MGAT5: variants seen among roughly 807,000 people sequenced by gnomAD.
MGAT5 encodes alpha-1,6-mannosylglycoprotein 6-beta-N-acetylglucosaminyltransferase, also known as alpha-1,6-mannosylglycoprotein 6-beta-N-acetylglucosaminyltransferase A.
In MGAT5, 30 loss-of-function variants were observed where a neutral mutation model predicts 94.3. The ratio of observed to expected loss-of-function variants is 0.32; its 90% CI spans 0.24 to 0.43. The LOEUF (loss-of-function observed/expected upper bound fraction) is 0.43, where lower values mean the gene tolerates loss of function less well. Ranked by LOEUF, MGAT5 falls within the 20% of genes least tolerant of loss-of-function variation. MGAT5 has a pLI of 1.00. For synonymous variants in MGAT5, 310 were observed against 322.9 expected, an observed-to-expected ratio of 0.96 and a Z score of 0.43; for missense variants, 691 against 905.5, an observed-to-expected ratio of 0.76 and a Z score of 3.04.
chr2:134,344,893 T>C lies in MGAT5; in HGVS notation c.978-37T>C. ...TATTACCTTTTAAGTAAATGATTTT[T>C]CTCTTTTTTCTCCCCTCTCTTTTGC... On this transcript the variant is annotated intron_variant, in intron 7 of 15. Transcript: ENST00000281923. 3.1e-6 allele frequency: 5 copies of C among 1,601,916 alleles called. No individual in the cohort carries two copies. In the South Asian group the frequency reaches 5.6e-5, roughly 18 times the overall value.
At chr2:134,412,532 T>C (rs547298108) in intron 11 of MGAT5, among the ~76,000 whole-genome samples, 1 of 152,240 alleles carries the variant, frequency 6.6e-6, no homozygotes, top group South Asian at 2.1e-4. Context: ...AGAAGGATTA[T>C]TGTTGGGTCT....
In MGAT5 at chr2:134,403,178, T is replaced by C. The variant is rs747349731; in HGVS notation, c.1530+41T>C. 11 of 1,556,670 alleles carry C rather than the reference T, an allele frequency of 7.1e-6. No homozygotes were observed. The South Asian group carries it at 1.1e-4, about 16-fold the overall frequency. On this transcript the variant is annotated intron_variant, in intron 11 of 15. Coordinates refer to ENST00000281923, the MANE Select transcript of MGAT5 (RefSeq NM_002410.5). Reference sequence around the variant, plus strand: ...GGATGTGGTGTTCAGGTTATTGCCATTGGCTGTGAAAATGGGATCAGAATA... The same window carrying C: ...GGATGTGGTGTTCAGGTTATTGCCACTGGCTGTGAAAATGGGATCAGAATA...
At chr2:134,239,583 G>T (rs1422852944) in intron 1 of MGAT5, among the ~76,000 whole-genome samples, 2 of 152,056 alleles carry the variant, frequency 1.3e-5, no homozygotes, top group Admixed American at 6.6e-5. Context: ...TAATGACCCT[G>T]TGATGACATT....
rs550120174 is a variant in MGAT5, at chr2:134,388,785, G to A, written c.1381-14203G>A. 2.8e-4 allele frequency among the ~76,000 whole-genome samples: 43 copies of A among 151,494 alleles called. 1 individual carries two copies. Among genetic ancestry groups the A allele is most frequent in the Admixed American group, 2.5e-3 (38 of 15,186 alleles). On this transcript the variant is annotated intron_variant, in intron 10 of 15. Coordinates refer to ENST00000281923, the MANE Select transcript of MGAT5 (RefSeq NM_002410.5). ...TTTTTTGGGGGGTGGGGGGGTGGTC[G>A]GAGTCTCGCTCTGTTGCCCAAACTG...
At chr2:134,138,026 C>T (rs1204637891) in intron 1 of MGAT5, among the ~76,000 whole-genome samples, 1 of 148,396 alleles carries the variant, frequency 6.7e-6, no homozygotes, top group Non-Finnish European at 1.5e-5. Flanking sequence ...GAGTCTTGCT[C>T]TCTTGCCCAG....
At chr2:134,187,223 G>T (rs1159463049) in intron 1 of MGAT5, among the ~76,000 whole-genome samples, 1 of 152,226 alleles carries the variant, frequency 6.6e-6, no homozygotes, top group Non-Finnish European at 1.5e-5. Context: ...AGAATTTTGA[G>T]CAGGAGGAGG....
At position 134,254,420 on chromosome 2, in the gene MGAT5, C is replaced by T. The variant is rs559878042; in HGVS notation, c.17C>T (p.Pro6Leu). Residue 6 changes from proline to leucine, a missense_variant, in exon 1 of 16, where the codon CCG becomes CTG. Pro to Leu is a moderately conservative substitution (Grantham distance 98). Coordinates refer to ENST00000281923, the MANE Select transcript of MGAT5 (RefSeq NM_002410.5). MALFT[P>L]WKLSSQKLGF... ...CAGAGAGCAATGGCTCTCTTCACTC[C>T]GTGGAAGTTGTCCTCTCAGAAGCTG... 16 of 1,614,200 alleles carry T rather than the reference C, an allele frequency of 9.9e-6. No individual in the cohort carries two copies. The South Asian group carries it at 1.1e-4, about 11-fold the overall frequency.
At chr2:134,130,807 C>CGGT (rs1686119947) in intron 1 of MGAT5, among the ~76,000 whole-genome samples, 1 of 150,244 alleles carries the variant, frequency 6.7e-6, no homozygotes, top group Admixed American at 6.6e-5. Context: ...GGTTTGTAAA[C>CGGT]GCACCAAGCA....
intron 10 of MGAT5, among the ~76,000 whole-genome samples, chr2:134,397,557 C>T (rs1005963967): frequency 6.6e-6 from 1 of 152,160 alleles, no homozygotes; most frequent in African/African-American, 2.4e-5. Context: ...TGCCATCAAC[C>T]TTGGTTCACC....
intron 2 of MGAT5, among the ~76,000 whole-genome samples, chr2:134,300,827 C>T (rs923270029): frequency 3.3e-5 from 5 of 152,068 alleles, no homozygotes; most frequent in African/African-American, 1.2e-4. Flanking sequence ...GAAAATTGTC[C>T]TTCATCTGTG....
chr2:134,245,920 C>T (rs1160418249), intron 1 of MGAT5, among the ~76,000 whole-genome samples: 1 of 151,978 alleles, frequency 6.6e-6, no homozygotes, highest in Non-Finnish European at 1.5e-5. Context: ...TTTCTCTGCC[C>T]ACAGGAAAAA....
intron 1 of MGAT5, among the ~76,000 whole-genome samples, chr2:134,152,120 CCTCA>C (rs1687232107): frequency 7.0e-6 from 1 of 143,080 alleles, no homozygotes; most frequent in African/African-American, 2.6e-5. Flanking sequence ...CGCCATGGGA[CCTCA>C]CTCACTCATC....
intron 10 of MGAT5, among the ~76,000 whole-genome samples, chr2:134,374,391 G>T (rs768535013): frequency 1.6e-4 from 24 of 152,082 alleles, no homozygotes; most frequent in Admixed American, 7.9e-4. Flanking sequence ...TTGAAACATA[G>T]GCCCTGCAAG....
At chr2:134,382,370 C>CT (rs1443698905) in intron 10 of MGAT5, among the ~76,000 whole-genome samples, 1 of 152,160 alleles carries the variant, frequency 6.6e-6, no homozygotes, top group Non-Finnish European at 1.5e-5. Flanking sequence ...TTGAAAACTG[C>CT]TGTTCTGGAG....
chr2:134,281,120 T>C (rs533451261), intron 2 of MGAT5, among the ~76,000 whole-genome samples: 2 of 152,304 alleles, frequency 1.3e-5, no homozygotes, highest in South Asian at 2.1e-4. Context: ...GACCCTCCGA[T>C]TCATGCTCTG....
intron 13 of MGAT5, among the ~76,000 whole-genome samples, chr2:134,425,581 G>A (rs1684535044): frequency 6.6e-6 from 1 of 152,140 alleles, no homozygotes; most frequent in Non-Finnish European, 1.5e-5. Context: ...ATATGGAGGA[G>A]CCGTGACTCA....
intron 4 of MGAT5, among the ~76,000 whole-genome samples, chr2:134,321,356 A>G (rs554082468): frequency 6.6e-6 from 1 of 152,320 alleles, no homozygotes; most frequent in South Asian, 2.1e-4. Context: ...ATGTTGGGGT[A>G]TGCTGCTGAG....
chr2:134,223,402 C>T (rs1680891264), intron 1 of MGAT5, among the ~76,000 whole-genome samples: 1 of 152,194 alleles, frequency 6.6e-6, no homozygotes. Flanking sequence ...GAGGGAGATC[C>T]TTATCTCTAG....
chr2:134,159,334 A>G (rs953875380), intron 1 of MGAT5, among the ~76,000 whole-genome samples: 2 of 151,468 alleles, frequency 1.3e-5, no homozygotes, highest in Admixed American at 6.6e-5. Context: ...TTTGCTTGCA[A>G]TGTGTCTGCT....
Sources: allele counts gnomAD v4.1 joint callset (sites outside exome capture counted in the v4.1 genomes callset), GRCh38; gene constraint gnomAD v4.1.1; transcripts MANE v1.5; gene names NCBI Gene and HGNC (gene_info 2026-07-23, HGNC 2026-07-21).